RNF180: variants seen among roughly 807,000 people sequenced by gnomAD.
RNF180 encodes the protein E3 ubiquitin-protein ligase RNF180.
Under a neutral mutation model 59.2 loss-of-function variants are expected in RNF180, and 38 were observed. That is an observed-to-expected ratio of 0.64 (90% CI 0.50 to 0.84). The LOEUF (loss-of-function observed/expected upper bound fraction) is 0.84, where lower values mean the gene tolerates loss of function less well. RNF180 is among the 40% of genes least tolerant of loss of function. The pLI, the probability that RNF180 is intolerant of heterozygous loss-of-function variation, is 0.00. For synonymous variants in RNF180, 262 were observed against 240.3 expected (o/e 1.09, Z -0.84); for missense variants, 705 against 700.9 (o/e 1.01, Z -0.07).
At position 64,369,910 on chromosome 5, in the gene RNF180, G is replaced by T; in HGVS notation, c.*96G>T. The T allele has an allele frequency of 1.6e-6, 1 of 635,764 alleles. No homozygotes were observed. Among genetic ancestry groups the T allele is most frequent in the South Asian group, 2.9e-5 (1 of 34,270 alleles). The allele number at this position is 635,764 out of a possible 1,614,324, so 39.4% of individuals were successfully genotyped here. A position where few individuals can be genotyped will look rare whatever the true frequency, so the allele number is the denominator to read the frequency against. ...TGTGCTTTGAAGTTTTTTTAATGTTGCATTATACAAATTGTTGATGTTTAT... is the reference window on the plus strand; with the variant it reads ...TGTGCTTTGAAGTTTTTTTAATGTTTCATTATACAAATTGTTGATGTTTAT... On this transcript the variant is annotated 3_prime_UTR_variant, in exon 8 of 8. Coordinates refer to ENST00000389100, the MANE Select transcript of RNF180 (RefSeq NM_001113561.2).
At chr5:64,311,589 T>C (rs1295329404) in intron 5 of RNF180, among the ~76,000 whole-genome samples, 1 of 152,194 alleles carries the variant, frequency 6.6e-6, no homozygotes. Context: ...TCCAAAGTCC[T>C]TACTGTTTTT....
chr5:64,325,569 A>G (rs556163273), intron 6 of RNF180, among the ~76,000 whole-genome samples, 158 bp downstream of exon 6: 1 of 152,338 alleles, frequency 6.6e-6, no homozygotes, highest in East Asian at 1.9e-4. Context: ...TAAAACTGTT[A>G]GAATCATAGA....
chr5:64,182,504 C>T (rs1750654133), intron 1 of RNF180, among the ~76,000 whole-genome samples: 1 of 152,116 alleles, frequency 6.6e-6, no homozygotes, highest in South Asian at 2.1e-4. Flanking sequence ...CCTCCAAGGG[C>T]CTCAGTGAAT....
Position 64,270,922 on chromosome 5 carries a change from C to T in RNF180, c.1227+53526C>T, listed in dbSNP as rs148994399. Among the ~76,000 whole-genome samples, 757 of 152,118 alleles carry T rather than the reference C, an allele frequency of 5.0e-3. 3 individuals carry two copies. The highest frequency in any genetic ancestry group is 6.6e-3 in the Non-Finnish European group (450 of 67,960). The stretch of plus-strand genomic sequence containing the variant: ...CCTGATGTGTTTTTTGTTTATCCTG[C>T]ACCATTGAAATATCAGCTTATAATC... On this transcript the variant is annotated intron_variant, in intron 5 of 7. Transcript: ENST00000389100.
chr5:64,264,884 C>G (rs2112330579), intron 5 of RNF180, among the ~76,000 whole-genome samples: 1 of 152,284 alleles, frequency 6.6e-6, no homozygotes, highest in African/African-American at 2.4e-5. Context: ...TCCTCTCCAG[C>G]ATCTGTTATT....
intron 6 of RNF180, among the ~76,000 whole-genome samples, chr5:64,330,076 G>A (rs142524535): frequency 3.3e-4 from 50 of 152,320 alleles, no homozygotes; most frequent in African/African-American, 9.6e-4. Context: ...GTGTAGGCAT[G>A]TCAAAGTTGC....
intron 1 of RNF180, among the ~76,000 whole-genome samples, chr5:64,198,182 T>C (rs1430086136): frequency 1.3e-5 from 2 of 152,200 alleles, no homozygotes; most frequent in African/African-American, 2.4e-5. Flanking sequence ...TTAAAAATAT[T>C]GAGATATTTT....
intron 2 of RNF180, among the ~76,000 whole-genome samples, chr5:64,211,124 C>T (rs1426460902): frequency 1.3e-5 from 2 of 151,996 alleles, no homozygotes; most frequent in African/African-American, 4.8e-5. Flanking sequence ...GTTTTTCAGA[C>T]CAGCTGGTGT....
At chr5:64,256,316 C>G (rs565442109) in intron 5 of RNF180, among the ~76,000 whole-genome samples, 1 of 152,050 alleles carries the variant, frequency 6.6e-6, no homozygotes, top group Non-Finnish European at 1.5e-5. Context: ...TTTTCTTCTT[C>G]GGTTTTTATG....
chr5:64,321,724 A>G (rs543468548), intron 5 of RNF180, among the ~76,000 whole-genome samples: 1 of 152,306 alleles, frequency 6.6e-6, no homozygotes, highest in South Asian at 2.1e-4. Flanking sequence ...CTAAGCAAAA[A>G]GAAGAAGGCT....
intron 5 of RNF180, among the ~76,000 whole-genome samples, chr5:64,259,308 G>A (rs1343398164): frequency 6.6e-6 from 1 of 152,144 alleles, no homozygotes; most frequent in Non-Finnish European, 1.5e-5. Flanking sequence ...AGGGTTTTGG[G>A]GGGAACAGTG....
intron 7 of RNF180, 25 bp downstream of exon 7, chr5:64,330,431 A>AAGG (rs1744850694): frequency 6.6e-7 from 1 of 1,524,652 alleles, no homozygotes; most frequent in African/African-American, 1.4e-5. Flanking sequence ...CGCCAAAAAA[A>AAGG]AAGTCTGGTA....
chr5:64,363,192 T>C (rs1465913991), intron 7 of RNF180, among the ~76,000 whole-genome samples: 2 of 151,934 alleles, frequency 1.3e-5, no homozygotes, highest in African/African-American at 4.8e-5. Flanking sequence ...AGAATTGTAT[T>C]GCATATATTG....
intron 5 of RNF180, chr5:64,217,639 T>C (rs906894272): frequency 2.0e-6 from 1 of 499,742 alleles, no homozygotes; most frequent in African/African-American, 2.0e-5. Context: ...TTGTATATAT[T>C]CTTTAGTTAA....
rs757352961 is a variant in RNF180 at position 64,212,121 on chromosome 5, A to G, written c.192A>G (p.Val64=). The G allele has an allele frequency of 6.2e-7, 1 of 1,607,478 alleles. No individual in the cohort carries two copies. The highest frequency in any genetic ancestry group is 1.1e-5 in the South Asian group (1 of 90,948). Residue 64 remains valine, a synonymous_variant, in exon 3 of 8, where the codon GTA becomes GTG. Coordinates refer to ENST00000389100, the MANE Select transcript of RNF180 (RefSeq NM_001113561.2). ...TTTGTCATGTGTGGCACATGAATGT[A>G]GAAGCCCTTCCAGAATGGATAAGCT... ...QNICHVWHMN[V]EALPEWISCL... is the part of the protein sequence containing the mutation.
chr5:64,213,366 T>C (rs1415721914), intron 3 of RNF180, among the ~76,000 whole-genome samples, 192 bp from the exon 4 acceptor site: 1 of 152,184 alleles, frequency 6.6e-6, no homozygotes, highest in Non-Finnish European at 1.5e-5. Context: ...ATTCTAGAAC[T>C]TTGGCGCTGC....
At chr5:64,352,958 A>G (rs985334551) in intron 7 of RNF180, among the ~76,000 whole-genome samples, 5 of 151,894 alleles carry the variant, frequency 3.3e-5, no homozygotes, top group African/African-American at 1.2e-4. Flanking sequence ...GGGGGAACAT[A>G]TCTATCCTAA....
chr5:64,276,374 G>GTTGT (rs1554038850), intron 5 of RNF180, among the ~76,000 whole-genome samples: 6 of 145,352 alleles, frequency 4.1e-5, no homozygotes, highest in Non-Finnish European at 9.1e-5. Flanking sequence ...AAACCACATT[G>GTTGT]GTGTGTGTGT....
At chr5:64,239,837 A>C (rs1742692129) in intron 5 of RNF180, among the ~76,000 whole-genome samples, 1 of 152,178 alleles carries the variant, frequency 6.6e-6, no homozygotes, top group African/African-American at 2.4e-5. Context: ...CTGTACCTTA[A>C]ATGACAAATG....
Sources: gnomAD v4.1 joint callset for allele counts (sites outside exome capture counted in the v4.1 genomes callset) on GRCh38, gnomAD v4.1.1 for gene constraint, MANE v1.5 for transcripts, NCBI Gene and HGNC (gene_info 2026-07-23, HGNC 2026-07-21) for gene names.